Variants in TMEM178B observed in about 807,000 individuals in gnomAD.
TMEM178B encodes transmembrane protein 178B.
Under a neutral mutation model 31.0 loss-of-function variants are expected in TMEM178B, and 5 were observed. That is an observed-to-expected ratio of 0.16 (90% confidence interval 0.08 to 0.34). The LOEUF is 0.34. Among genes scored for constraint, TMEM178B ranks in the 10% least tolerant of loss-of-function variants. TMEM178B has a pLI of 1.00. For missense variants in TMEM178B, 275 were observed against 400.3 expected (o/e 0.69, Z 2.67); for synonymous variants, 164 against 164.0 (o/e 1.00, Z 0.00).
At chr7:141,075,809 G>T (rs1794591961) in intron 1 of TMEM178B, among the ~76,000 whole-genome samples, 1 of 152,170 alleles carries the variant, frequency 6.6e-6, no homozygotes, top group Non-Finnish European at 1.5e-5. Context: ...AGTTCTTAGT[G>T]TCTCATTATA....
At chr7:141,159,584 G>C (rs1405295317) in intron 1 of TMEM178B, among the ~76,000 whole-genome samples, 1 of 152,174 alleles carries the variant, frequency 6.6e-6, no homozygotes, top group African/African-American at 2.4e-5. Flanking sequence ...TAAACAAAAT[G>C]TGGCATATTC....
intron 2 of TMEM178B, among the ~76,000 whole-genome samples, chr7:141,234,374 G>A (rs1797494424): frequency 6.6e-6 from 1 of 152,216 alleles, no homozygotes; most frequent in Non-Finnish European, 1.5e-5. Context: ...CCAGACAAGA[G>A]GGAAACAAAG....
At chr7:141,221,049 G>A (rs1258889468) in intron 2 of TMEM178B, among the ~76,000 whole-genome samples, 1 of 152,156 alleles carries the variant, frequency 6.6e-6, no homozygotes, top group African/African-American at 2.4e-5. Context: ...TACACTTCAT[G>A]GGTCCCAACT....
Position 141,134,149 on chromosome 7 carries a change from C to T in TMEM178B, c.382+59457C>T, listed in dbSNP as rs1453575590. On this transcript the variant is annotated intron_variant, in intron 1 of 3. Coordinates refer to ENST00000565468, the MANE Select transcript of TMEM178B (RefSeq NM_001195278.2). ...ACTTGGGAGGCTGAGGTAGGAGGAT[C>T]GCTTGAACCTGAAAGTTTGAGGCTG... Among the ~76,000 whole-genome samples, 5 of 152,008 alleles carry T rather than the reference C, an allele frequency of 3.3e-5. No homozygotes were observed. In the South Asian group the frequency reaches 6.2e-4, roughly 19 times the overall value.
intron 2 of TMEM178B, among the ~76,000 whole-genome samples, chr7:141,231,357 A>C (rs2129191620): frequency 6.6e-6 from 1 of 152,120 alleles, no homozygotes. Flanking sequence ...GTTTGAAATT[A>C]ATCTACATTT....
chr7:141,444,310 AC>A (rs2116692862), intron 3 of TMEM178B, among the ~76,000 whole-genome samples: 1 of 152,336 alleles, frequency 6.6e-6, no homozygotes, highest in South Asian at 2.1e-4. Context: ...AATGTCGGGA[AC>A]AATGTCTGTG....
intron 2 of TMEM178B, among the ~76,000 whole-genome samples, chr7:141,261,243 C>T (rs1798007553): frequency 6.6e-6 from 1 of 152,010 alleles, no homozygotes; most frequent in Non-Finnish European, 1.5e-5. Flanking sequence ...GAGGGCAGTG[C>T]GCTCTCTTCT....
At chr7:141,346,337 T>A (rs972476785) in intron 2 of TMEM178B, among the ~76,000 whole-genome samples, 1 of 152,064 alleles carries the variant, frequency 6.6e-6, no homozygotes, top group Non-Finnish European at 1.5e-5. Flanking sequence ...TACTAAAAAA[T>A]AAAGACCTAG....
intron 2 of TMEM178B, among the ~76,000 whole-genome samples, chr7:141,429,176 A>G (rs1322940093): frequency 6.6e-6 from 1 of 152,192 alleles, no homozygotes; most frequent in East Asian, 1.9e-4. Context: ...CTATATACCC[A>G]AAGAAATTGA....
chr7:141,191,260 T>G (rs947080668), intron 1 of TMEM178B, among the ~76,000 whole-genome samples: 2 of 152,246 alleles, frequency 1.3e-5, no homozygotes, highest in African/African-American at 4.8e-5. Flanking sequence ...ATTTATTCAT[T>G]CTCCTATTGA....
Position 141,142,096 on chromosome 7 carries a change from A to T in TMEM178B, c.382+67404A>T, listed in dbSNP as rs534678228. 2.0e-4 allele frequency among the ~76,000 whole-genome samples: 30 copies of T among 152,218 alleles called. 1 individual carries two copies. In the East Asian group the frequency reaches 5.4e-3, roughly 28 times the overall value. On this transcript the variant is annotated intron_variant, in intron 1 of 3. Coordinates refer to ENST00000565468, the MANE Select transcript of TMEM178B (RefSeq NM_001195278.2). ...TCCAATGTCTATTGTTGCCATCCTT[A>T]TGTCCATGAGTACCCAGTGTTTAGC...
intron 2 of TMEM178B, among the ~76,000 whole-genome samples, chr7:141,289,207 C>T (rs1021493501): frequency 3.3e-5 from 5 of 152,156 alleles, no homozygotes; most frequent in African/African-American, 9.7e-5. Flanking sequence ...GTAATAGGGT[C>T]GAGAGCACCA....
intron 1 of TMEM178B, among the ~76,000 whole-genome samples, chr7:141,183,861 A>G (rs141575532): frequency 2.3e-3 from 353 of 152,310 alleles, no homozygotes; most frequent in African/African-American, 8.1e-3. Context: ...GTGCTGGTTC[A>G]TGGTGGAATT....
chr7:141,289,984 G>A (rs868140279), intron 2 of TMEM178B, among the ~76,000 whole-genome samples: 10 of 152,126 alleles, frequency 6.6e-5, no homozygotes, highest in South Asian at 4.2e-4. Flanking sequence ...TCTCCTCCCC[G>A]CAACAAAAAA....
At chr7:141,218,057 C>T (rs116076008) in intron 2 of TMEM178B, among the ~76,000 whole-genome samples, 146 of 152,036 alleles carry the variant, frequency 9.6e-4, no homozygotes, top group African/African-American at 3.3e-3. Flanking sequence ...ATTTCCCCTC[C>T]GAGACTTCCC....
chr7:141,198,669 C>T (rs538900878), intron 1 of TMEM178B, among the ~76,000 whole-genome samples: 1 of 152,340 alleles, frequency 6.6e-6, no homozygotes, highest in South Asian at 2.1e-4. Context: ...ATCACTGTCT[C>T]CCATCTCCAG....
the TMEM178B span, among the ~76,000 whole-genome samples, chr7:141,507,142 G>A: frequency 2.6e-4 from 40 of 152,240 alleles, no homozygotes; most frequent in African/African-American, 8.7e-4. Context: ...TAGGTGCACC[G>A]TGCAAGCTGT....
intron 2 of TMEM178B, among the ~76,000 whole-genome samples, chr7:141,372,554 C>T (rs1359345401): frequency 6.6e-6 from 1 of 152,178 alleles, no homozygotes; most frequent in African/African-American, 2.4e-5. Flanking sequence ...CCCATTGCCT[C>T]TCTGATCAGA....
intron 1 of TMEM178B, among the ~76,000 whole-genome samples, chr7:141,114,355 G>A (rs1258949032): frequency 6.6e-6 from 1 of 151,998 alleles, no homozygotes; most frequent in East Asian, 1.9e-4. Flanking sequence ...CCCTTCAGCT[G>A]CACTGTATCT....
Sources: gnomAD v4.1 joint callset for allele counts (sites outside exome capture counted in the v4.1 genomes callset) on GRCh38, gnomAD v4.1.1 for gene constraint, MANE v1.5 for transcripts, NCBI Gene and HGNC (gene_info 2026-07-23, HGNC 2026-07-21) for gene names.